NDC80: variants seen among roughly 807,000 people sequenced by gnomAD.
The protein encoded by NDC80 is kinetochore protein NDC80 homolog.
A neutral mutation model predicts 89.3 loss-of-function variants in NDC80; 69 were observed. The ratio of observed to expected loss-of-function variants is 0.77; its 90% confidence interval spans 0.64 to 0.94. The LOEUF (loss-of-function observed/expected upper bound fraction) is 0.94, where lower values mean the gene tolerates loss of function less well. NDC80 is among the 40% of genes least tolerant of loss of function. The pLI is 0.00. For missense variants in NDC80, 593 were observed against 739.6 expected (o/e 0.80, Z 2.30); for synonymous variants, 243 against 255.6 (o/e 0.95, Z 0.47).
chr18:2,605,769 C>T (rs2072708420), intron 13 of NDC80, among the ~76,000 whole-genome samples: 1 of 151,994 alleles, frequency 6.6e-6, no homozygotes, highest in South Asian at 2.1e-4. Flanking sequence ...GTGTTTCCTG[C>T]AGGAAACAGT....
intron 16 of NDC80, among the ~76,000 whole-genome samples, chr18:2,613,645 T>C (rs189374286): frequency 2.6e-5 from 4 of 152,334 alleles, no homozygotes; most frequent in African/African-American, 7.2e-5. Context: ...TTTACGAGAA[T>C]TATAAGAAAC....
chr18:2,595,552 C>A lies in NDC80; in HGVS notation c.1152C>A (p.Thr384=), dbSNP rs751863939. The change falls in exon 11 of 17, where the codon ACC becomes ACA. Residue 384 remains threonine (T), a synonymous_variant. Transcript: ENST00000261597. ...NELQQTINKL[T]KDLEAEQQKL... ...TGCAGCAGACTATTAATAAATTAAC[C>A]AAGGACCTGGAAGCTGAACAACAGA... 1 of 1,613,736 alleles carries A rather than the reference C, an allele frequency of 6.2e-7. No individual in the cohort carries two copies. Among genetic ancestry groups the A allele is most frequent in the South Asian group, 1.1e-5 (1 of 91,060 alleles).
chr18:2,606,462 A>G lies in NDC80; in HGVS notation c.1512A>G (p.Lys504=), dbSNP rs982760339. 1.2e-6 allele frequency: 2 copies of G among 1,606,256 alleles called. No homozygotes were observed. Among genetic ancestry groups the G allele is most frequent in the African/African-American group, 1.3e-5 (1 of 74,652 alleles). Residue 504 remains lysine (K), a synonymous_variant, in exon 14 of 17, where the codon AAA becomes AAG. Transcript: ENST00000261597. ...GCAAGAGAAGTGTGAGAACTCTGAA[A>G]GAAGAAGTTCAAAAGCTGGATGATC... is the stretch of plus-strand genomic sequence containing the variant. The part of the protein sequence containing the change: ...TESKRSVRTL[K]EEVQKLDDLY...
At chr18:2,587,436 G>A (rs770324309) in intron 7 of NDC80, among the ~76,000 whole-genome samples, 19 of 152,152 alleles carry the variant, frequency 1.2e-4, no homozygotes, top group Non-Finnish European at 2.6e-4. Flanking sequence ...ATTGGACTTA[G>A]ATGATCAGCA....
At chr18:2,601,791 T>C (rs1361372154) in intron 13 of NDC80, among the ~76,000 whole-genome samples, 1 of 152,144 alleles carries the variant, frequency 6.6e-6, no homozygotes, top group Non-Finnish European at 1.5e-5. Flanking sequence ...AGGCTTCAAG[T>C]GGCTACCTTG....
At chr18:2,579,196 AAAGGAAGAAAGTACCAATTGAT>A in intron 6 of NDC80, 167 bp downstream of exon 6, 1 of 404,174 alleles carries the variant, frequency 2.5e-6, no homozygotes, top group Non-Finnish European at 4.3e-6. Context: ...TCACAAGGTA[AAAGGAAGAAAGTACCAATTGAT>A]AAGGAGATTA....
Position 2,579,624 on chromosome 18 carries a change from A to G in NDC80, c.579+595A>G, listed in dbSNP as rs367827371. ...CTATTTTTAGTAGAGACGGGGTTCC[A>G]CCATGTTAGCCAGGCTGGTCTCAAA... On this transcript the variant is annotated intron_variant, in intron 6 of 16. Transcript: ENST00000261597. Among the ~76,000 whole-genome samples, 100 of 151,920 alleles carry G rather than the reference A, an allele frequency of 6.6e-4. 1 individual carries two copies. The East Asian group carries it at 0.017, about 26-fold the overall frequency.
At chr18:2,579,483 G>A (rs950741330) in intron 6 of NDC80, among the ~76,000 whole-genome samples, 3 of 151,902 alleles carry the variant, frequency 2.0e-5, no homozygotes, top group South Asian at 2.1e-4. Flanking sequence ...GCTGGAGTGC[G>A]GTGGCATGAT....
chr18:2,591,177 G>T (rs2072625805), intron 10 of NDC80, among the ~76,000 whole-genome samples: 1 of 152,088 alleles, frequency 6.6e-6, no homozygotes, highest in South Asian at 2.1e-4. Context: ...ACAGTTCTCG[G>T]GGAAAAGAGC....
intron 10 of NDC80, among the ~76,000 whole-genome samples, 187 bp from the exon 11 acceptor site, chr18:2,595,229 T>TTATATATATATATA (rs60668754): frequency 7.8e-4 from 114 of 146,596 alleles, no homozygotes; most frequent in African/African-American, 2.6e-3. Context: ...ACTTTGAAAT[T>TTATATATATATATA]TATATATATA....
intron 16 of NDC80, among the ~76,000 whole-genome samples, chr18:2,613,597 T>A (rs997366423): frequency 3.9e-5 from 6 of 152,344 alleles, no homozygotes; most frequent in Middle Eastern, 3.4e-3. Context: ...CAGTTCCAGA[T>A]GGATTCAGAA....
intron 5 of NDC80, 73 bp from the exon 6 acceptor site, chr18:2,578,854 T>C (rs764217393): frequency 3.3e-6 from 3 of 909,034 alleles, no homozygotes; most frequent in Non-Finnish European, 4.6e-6. Flanking sequence ...TAAATGTAAC[T>C]TCTTGATTAA....
Position 2,579,086 on chromosome 18 carries a change from A to G in NDC80, c.579+57A>G, listed in dbSNP as rs527381841. On this transcript the variant is annotated intron_variant, in intron 6 of 16. Transcript: ENST00000261597. Reference sequence around the variant, plus strand: ...TGGGAAAGGGTTTTTTTCCTCAAAAAAAATATTTTCTCTCCCAGTCTTTTG... The same window carrying G: ...TGGGAAAGGGTTTTTTTCCTCAAAAGAAATATTTTCTCTCCCAGTCTTTTG... 3.2e-5 allele frequency: 35 copies of G among 1,084,154 alleles called. No homozygotes were observed. The African/African-American group carries it at 5.4e-4, about 17-fold the overall frequency. The allele number at this position is 1,084,154 out of a possible 1,614,324, so 67.2% of individuals were successfully genotyped here.
intron 7 of NDC80, among the ~76,000 whole-genome samples, chr18:2,586,218 A>G (rs1454087575): frequency 6.6e-6 from 1 of 152,240 alleles, no homozygotes; most frequent in African/African-American, 2.4e-5. Flanking sequence ...GTTCAAAGAT[A>G]CATCAACTGA....
chr18:2,596,010 A>G (rs2072653528), intron 11 of NDC80, among the ~76,000 whole-genome samples: 1 of 152,182 alleles, frequency 6.6e-6, no homozygotes, highest in Non-Finnish European at 1.5e-5. Flanking sequence ...AAGATAAAAC[A>G]TTGGCTTTCC....
intron 10 of NDC80, chr18:2,593,703 C>A: frequency 5.1e-6 from 1 of 194,406 alleles, no homozygotes. Flanking sequence ...GCATCTGTAT[C>A]CTGATTCTTA....
chr18:2,609,145 G>A (rs2072729807), intron 15 of NDC80, among the ~76,000 whole-genome samples: 1 of 152,018 alleles, frequency 6.6e-6, no homozygotes, highest in African/African-American at 2.4e-5. Context: ...GGCTGTTAGT[G>A]AATTTTAATA....
chr18:2,593,369 G>A (rs914535055), intron 10 of NDC80, among the ~76,000 whole-genome samples: 10 of 152,104 alleles, frequency 6.6e-5, no homozygotes, highest in South Asian at 2.1e-4. Context: ...GCAGGACTGC[G>A]TTAAGATCCA....
chr18:2,610,732 A>T, intron 15 of NDC80, 27 bp from the exon 16 acceptor site: 1 of 1,499,548 alleles, frequency 6.7e-7, no homozygotes, highest in East Asian at 2.3e-5. Context: ...TTCCTGGACA[A>T]CTTAAACAAG....
Sources: gnomAD v4.1 joint callset for allele counts (sites outside exome capture counted in the v4.1 genomes callset) on GRCh38, gnomAD v4.1.1 for gene constraint, MANE v1.5 for transcripts, NCBI Gene and HGNC (gene_info 2026-07-23, HGNC 2026-07-21) for gene names.